Variants in ADAM22 observed in about 807,000 individuals in gnomAD.
The protein encoded by ADAM22 is ADAM metallopeptidase domain 22, also known as disintegrin and metalloproteinase domain-containing protein 22.
ADAM22 carries 65 observed loss-of-function variants against 144.6 expected under a neutral mutation model. The ratio of observed to expected loss-of-function variants is 0.45; its 90% CI spans 0.37 to 0.55. The LOEUF (loss-of-function observed/expected upper bound fraction) is 0.55. Among genes scored for constraint, ADAM22 ranks in the 20% least tolerant of loss-of-function variants. The pLI is 0.00. For missense variants in ADAM22, 974 were observed against 1,184.9 expected (o/e 0.82, Z 2.61); for synonymous variants, 391 against 412.6 (o/e 0.95, Z 0.63).
chr7:88,158,238 C>T (rs1180150367), intron 22 of ADAM22, among the ~76,000 whole-genome samples: 1 of 152,102 alleles, frequency 6.6e-6, no homozygotes, highest in African/African-American at 2.4e-5. Flanking sequence ...CACAGGAGCA[C>T]CCAGCTTCAT....
At chr7:88,105,620 G>A (rs910129455) in intron 4 of ADAM22, among the ~76,000 whole-genome samples, 3 of 152,158 alleles carry the variant, frequency 2.0e-5, no homozygotes, top group African/African-American at 7.2e-5. Flanking sequence ...GAATAAACCA[G>A]CCTAGGGGAA....
Position 88,135,813 on chromosome 7 carries a change from G to A in ADAM22, c.1169-167G>A, listed in dbSNP as rs141134229. On this transcript the variant is annotated intron_variant, in intron 13 of 31. Coordinates refer to ENST00000413139, the MANE Select transcript of ADAM22 (RefSeq NM_001324418.2). ...CTTGATAGGGTCAAAGTATATTTTT[G>A]TTGCATATTACATAAAAAAACTATT... Among the ~76,000 whole-genome samples, 1,151 of 152,130 alleles carry A rather than the reference G, an allele frequency of 7.6e-3. 14 individuals are homozygous for A. Among genetic ancestry groups the A allele is most frequent in the African/African-American group, 0.027 (1,108 of 41,518 alleles).
intron 31 of ADAM22, 79 bp downstream of exon 31, chr7:88,193,318 A>G: frequency 1.4e-6 from 2 of 1,464,636 alleles, no homozygotes; most frequent in Non-Finnish European, 9.1e-7. Flanking sequence ...AAAAGAGAGA[A>G]CCATTTTTCC....
At chr7:88,135,588 A>G (rs1299612258) in intron 13 of ADAM22, among the ~76,000 whole-genome samples, 1 of 152,204 alleles carries the variant, frequency 6.6e-6, no homozygotes, top group African/African-American at 2.4e-5. Context: ...TGGTGTGTGC[A>G]GAGACTTTCA....
intron 2 of ADAM22, among the ~76,000 whole-genome samples, chr7:87,963,984 T>C (rs949537547): frequency 6.6e-5 from 10 of 152,330 alleles, no homozygotes; most frequent in Non-Finnish European, 7.4e-5. Context: ...GTTATATTAA[T>C]ATATATTTTT....
At chr7:88,005,489 T>G (rs1269207458) in intron 3 of ADAM22, among the ~76,000 whole-genome samples, 1 of 152,164 alleles carries the variant, frequency 6.6e-6, no homozygotes, top group East Asian at 1.9e-4. Flanking sequence ...CAAAGTGTTC[T>G]TTCCATACCC....
Position 88,130,392 on chromosome 7 carries a change from A to T in ADAM22, c.758A>T (p.Lys253Ile). The change falls in exon 10 of 32, where the codon AAA (lysine) becomes ATA (isoleucine). Residue 253 changes from lysine to isoleucine, a missense_variant. Physicochemically the swap from Lys to Ile is moderately radical, Grantham distance 102. This residue lies in a region of ADAM22 where 734 missense variants were observed against 950.6 expected (regional missense o/e 0.77). Coordinates refer to ENST00000413139, the MANE Select transcript of ADAM22 (RefSeq NM_001324418.2). Reference protein sequence around the residue: ...LMIVNDHLMFKKHRLSVVHTN... With the variant: ...LMIVNDHLMFIKHRLSVVHTN... The stretch of plus-strand genomic sequence containing the variant: ...CTTGTTTTCTTTTGCTTTCAGTTTA[A>T]AAAACATCGGCTTTCCGTTGTACAT... The T allele has an allele frequency of 1.2e-6, 2 of 1,612,088 alleles. No individual in the cohort carries two copies. The highest frequency in any genetic ancestry group is 1.7e-6 in the Non-Finnish European group (2 of 1,178,972).
At chr7:88,116,855 T>C in intron 7 of ADAM22, 41 bp downstream of exon 7, 1 of 1,423,102 alleles carries the variant, frequency 7.0e-7, no homozygotes, top group Non-Finnish European at 9.9e-7. Context: ...AAAAGACAAC[T>C]TCAGTAATTT....
chr7:88,059,615 T>G (rs538459286), intron 3 of ADAM22, among the ~76,000 whole-genome samples: 3 of 152,328 alleles, frequency 2.0e-5, no homozygotes, highest in African/African-American at 7.2e-5. Flanking sequence ...GGACTCAACC[T>G]AGGCGCTGAT....
chr7:88,096,019 C>T (rs1563205503), intron 4 of ADAM22, among the ~76,000 whole-genome samples: 1 of 148,536 alleles, frequency 6.7e-6, no homozygotes, highest in African/African-American at 2.5e-5. Context: ...AACTCGAACT[C>T]CTAGCAGTAC....
At position 88,196,563 on chromosome 7, in the gene ADAM22, T is replaced by C. The variant is rs1198958429; in HGVS notation, c.*72T>C. Reference sequence around the variant, plus strand: ...TTTATAGAAACCCAGGCTCATGGAATCACTGCAAATCTATCTGCTCTTCAG... The same window carrying C: ...TTTATAGAAACCCAGGCTCATGGAACCACTGCAAATCTATCTGCTCTTCAG... On this transcript the variant is annotated 3_prime_UTR_variant, in exon 32 of 32. Coordinates refer to ENST00000413139, the MANE Select transcript of ADAM22 (RefSeq NM_001324418.2). 5.4e-6 allele frequency: 8 copies of C among 1,486,414 alleles called. No individual in the cohort carries two copies. In the African/African-American group the frequency reaches 9.7e-5, roughly 18 times the overall value. 92.1% of individuals were successfully genotyped at this position (1,486,414 alleles called of 1,614,324 possible).
chr7:87,945,510 T>C (rs1843475969), intron 2 of ADAM22, among the ~76,000 whole-genome samples: 1 of 151,774 alleles, frequency 6.6e-6, no homozygotes, highest in African/African-American at 2.4e-5. Flanking sequence ...TTCTTTTCTT[T>C]TCTTTCTTTT....
chr7:88,007,607 T>C (rs1205203101), intron 3 of ADAM22, among the ~76,000 whole-genome samples: 1 of 152,130 alleles, frequency 6.6e-6, no homozygotes, highest in African/African-American at 2.4e-5. Flanking sequence ...TATCTACAAC[T>C]ATCTGATCTT....
At chr7:87,983,761 T>C (rs1854284181) in intron 3 of ADAM22, among the ~76,000 whole-genome samples, 1 of 152,134 alleles carries the variant, frequency 6.6e-6, no homozygotes, top group African/African-American at 2.4e-5. Flanking sequence ...AGTAGAGTGT[T>C]GATTATTGAT....
chr7:87,939,636 C>T (rs1341969835), intron 2 of ADAM22, among the ~76,000 whole-genome samples: 3 of 152,118 alleles, frequency 2.0e-5, no homozygotes, highest in African/African-American at 7.2e-5. Context: ...GCACTTACAA[C>T]AATGCTGGGC....
intron 3 of ADAM22, among the ~76,000 whole-genome samples, chr7:88,003,195 A>G (rs1792985209): frequency 6.6e-6 from 1 of 152,234 alleles, no homozygotes; most frequent in Non-Finnish European, 1.5e-5. Context: ...AAAAAAACTT[A>G]AAAGGAAGAA....
In ADAM22 at chr7:88,148,903, TG is replaced by T. The variant is rs1254139425; in HGVS notation, c.1486-73del. 8 of 1,155,038 alleles carry T rather than the reference TG, an allele frequency of 6.9e-6. No homozygotes were observed. In the East Asian group the frequency reaches 1.0e-4, roughly 15 times the overall value. 71.5% of individuals were successfully genotyped at this position (1,155,038 alleles called of 1,614,324 possible). Reference sequence around the variant, plus strand: ...ATTTCTAGCCAAACAATTTTCATTTTGTTTTTTTTAGATGATATTGTAAGAT... The same window carrying T: ...ATTTCTAGCCAAACAATTTTCATTTTTTTTTTTTAGATGATATTGTAAGAT... On this transcript the variant is annotated intron_variant, in intron 17 of 31. Transcript: ENST00000413139.
At chr7:88,196,450 T>G in intron 31 of ADAM22, 21 bp from the exon 32 acceptor site, 1 of 1,614,026 alleles carries the variant, frequency 6.2e-7, no homozygotes, top group Non-Finnish European at 8.5e-7. Flanking sequence ...ATGTGCAATT[T>G]TGCTCTTTTC....
chr7:88,019,798 C>T (rs752597894), intron 3 of ADAM22, among the ~76,000 whole-genome samples: 2 of 150,498 alleles, frequency 1.3e-5, no homozygotes, highest in Non-Finnish European at 3.0e-5. Flanking sequence ...TGCAGTGAGC[C>T]GAGGTTGTGC....
Sources: gnomAD v4.1 joint callset for allele counts (sites outside exome capture counted in the v4.1 genomes callset) on GRCh38, gnomAD v4.1.1 for gene constraint, gnomAD v4.1.1 regional missense constraint, MANE v1.5 for transcripts, NCBI Gene and HGNC (gene_info 2026-07-23, HGNC 2026-07-21) for gene names.